The following SPOCK1 variants were observed in gnomAD, a reference collection of about 807,000 sequenced individuals.
The protein encoded by SPOCK1 is testican-1.
A neutral mutation model predicts 55.3 loss-of-function variants in SPOCK1; 23 were observed. That is an observed-to-expected ratio of 0.42 (90% CI 0.30 to 0.59). SPOCK1 has a LOEUF of 0.59. Among genes scored for constraint, SPOCK1 ranks in the 20% least tolerant of loss-of-function variants. The probability of loss-of-function intolerance (pLI) is 0.22; values close to 1 mark genes in which losing one functional copy is unlikely to be tolerated. For synonymous variants in SPOCK1, 226 were observed against 221.0 expected (o/e 1.02, Z -0.20); for missense variants, 499 against 552.5 (o/e 0.90, Z 0.97).
chr5:137,044,256 A>G (rs1157341834), intron 6 of SPOCK1, among the ~76,000 whole-genome samples: 3 of 152,198 alleles, frequency 2.0e-5, no homozygotes, highest in African/African-American at 7.2e-5. Context: ...GTGTGTGCAA[A>G]GGCCTTCACA....
chr5:137,346,623 G>A (rs1750563431), intron 2 of SPOCK1, among the ~76,000 whole-genome samples: 1 of 152,186 alleles, frequency 6.6e-6, no homozygotes, highest in South Asian at 2.1e-4. Context: ...TAAACAGGAG[G>A]TACATTCAAA....
chr5:137,255,390 T>C (rs1270716709), intron 3 of SPOCK1, among the ~76,000 whole-genome samples: 1 of 152,240 alleles, frequency 6.6e-6, no homozygotes, highest in Non-Finnish European at 1.5e-5. Context: ...AGAAACTCAC[T>C]GCGCATGTGA....
intron 10 of SPOCK1, 25 bp from the exon 11 acceptor site, chr5:136,978,869 G>A: frequency 6.3e-7 from 1 of 1,589,702 alleles, no homozygotes; most frequent in Non-Finnish European, 8.6e-7. Context: ...AAAGCATTGA[G>A]GTTAGTTTCC....
intron 2 of SPOCK1, among the ~76,000 whole-genome samples, chr5:137,481,629 A>T (rs1455671640): frequency 2.6e-5 from 4 of 152,204 alleles, no homozygotes; most frequent in African/African-American, 7.2e-5. Flanking sequence ...GAAAGATTTT[A>T]AAAACTATAA....
At chr5:137,254,362 C>T (rs750261605) in intron 3 of SPOCK1, among the ~76,000 whole-genome samples, 11 of 152,076 alleles carry the variant, frequency 7.2e-5, no homozygotes, top group East Asian at 1.9e-4. Flanking sequence ...ACTGTGGTAA[C>T]GTGCCCAAAT....
intron 6 of SPOCK1, among the ~76,000 whole-genome samples, chr5:137,059,260 G>A (rs1248525924): frequency 6.8e-6 from 1 of 147,202 alleles, no homozygotes; most frequent in East Asian, 2.0e-4. Context: ...TGACAGACAG[G>A]CAAATACACA....
intron 6 of SPOCK1, among the ~76,000 whole-genome samples, chr5:137,026,049 A>G (rs1013156929): frequency 6.6e-6 from 1 of 152,254 alleles, no homozygotes; most frequent in Non-Finnish European, 1.5e-5. Flanking sequence ...AGGAAGGCAT[A>G]CAGAGAAACA....
chr5:136,978,893 G>A, intron 10 of SPOCK1, 49 bp from the exon 11 acceptor site: 4 of 1,538,152 alleles, frequency 2.6e-6, no homozygotes, highest in Non-Finnish European at 3.5e-6. Context: ...TATACCTCAT[G>A]ACCCACGTCA....
intron 2 of SPOCK1, among the ~76,000 whole-genome samples, chr5:137,430,786 C>T (rs1399925405): frequency 2.0e-5 from 3 of 152,190 alleles, no homozygotes; most frequent in Non-Finnish European, 2.9e-5. Context: ...TATACCGTAA[C>T]TGACTGTTGA....
chr5:136,982,827 G>A (rs1286992461), intron 9 of SPOCK1, among the ~76,000 whole-genome samples: 2 of 152,064 alleles, frequency 1.3e-5, no homozygotes, highest in African/African-American at 2.4e-5. Flanking sequence ...GTGAGTCTGG[G>A]GTTAGTAAGC....
intron 2 of SPOCK1, among the ~76,000 whole-genome samples, chr5:137,484,470 C>T (rs1754012419): frequency 6.6e-6 from 1 of 152,242 alleles, no homozygotes; most frequent in African/African-American, 2.4e-5. Flanking sequence ...ATCACCTTAC[C>T]TGTGCTGGTG....
At chr5:137,342,157 C>T (rs1482732684) in intron 2 of SPOCK1, among the ~76,000 whole-genome samples, 3 of 152,296 alleles carry the variant, frequency 2.0e-5, no homozygotes, top group East Asian at 3.9e-4. Context: ...AAGACACCTC[C>T]GCGGAGGATA....
At chr5:137,232,834 T>C (rs1756092973) in intron 3 of SPOCK1, among the ~76,000 whole-genome samples, 1 of 152,252 alleles carries the variant, frequency 6.6e-6, no homozygotes, top group Non-Finnish European at 1.5e-5. Context: ...GTCTTTCTGT[T>C]CATTCAGGTC....
chr5:137,451,087 T>C (rs1753245894), intron 2 of SPOCK1, among the ~76,000 whole-genome samples: 1 of 152,082 alleles, frequency 6.6e-6, no homozygotes. Flanking sequence ...TGGCCCAGTC[T>C]AGGAACAGAC....
intron 6 of SPOCK1, among the ~76,000 whole-genome samples, chr5:137,027,634 G>A (rs1487748390): frequency 6.6e-6 from 1 of 152,184 alleles, no homozygotes; most frequent in East Asian, 1.9e-4. Flanking sequence ...GCTAGTAGCA[G>A]ATACAGACTA....
chr5:137,210,626 G>A (rs1755593095), intron 3 of SPOCK1, among the ~76,000 whole-genome samples: 1 of 152,168 alleles, frequency 6.6e-6, no homozygotes, highest in Non-Finnish European at 1.5e-5. Flanking sequence ...CATCTGGAGA[G>A]GTGAAGGTGA....
At chr5:137,485,752 T>A (rs1428690808) in intron 2 of SPOCK1, among the ~76,000 whole-genome samples, 7 of 151,640 alleles carry the variant, frequency 4.6e-5, no homozygotes, top group Non-Finnish European at 1.0e-4. Context: ...ACAACAAATT[T>A]AATGTTGAAA....
rs796667572 is a variant in SPOCK1, at chr5:137,356,873, A to AGAGAGAGAGAGAGAGAGAGAGAGT, written c.187-89819_187-89818insACTCTCTCTCTCTCTCTCTCTCTC. ...GAGAGAGAGAGAGAGAGAGAGAGAG[A>AGAGAGAGAGAGAGAGAGAGAGAGT]GAGTATGCAGACCAACCAGGGGGCC... is the stretch of plus-strand genomic sequence containing the variant. On this transcript the variant is annotated intron_variant, in intron 2 of 10. Transcript: ENST00000394945. Among the ~76,000 whole-genome samples, 92 of 69,808 alleles carry AGAGAGAGAGAGAGAGAGAGAGAGT rather than the reference A, an allele frequency of 1.3e-3. 13 individuals carry two copies. Among genetic ancestry groups the AGAGAGAGAGAGAGAGAGAGAGAGT allele is most frequent in the African/African-American group, 3.4e-3 (46 of 13,692 alleles). 45.8% of individuals were successfully genotyped at this position (69,808 alleles called of 152,430 possible). A position where few individuals can be genotyped will look rare whatever the true frequency, so the allele number is the denominator to read the frequency against.
intron 6 of SPOCK1, among the ~76,000 whole-genome samples, chr5:137,005,919 G>T (rs1751238212): frequency 6.6e-6 from 1 of 152,172 alleles, no homozygotes. Context: ...CTAGGAAAAA[G>T]GGACCGAGAA....
Sources: allele counts gnomAD v4.1 joint callset (sites outside exome capture counted in the v4.1 genomes callset), GRCh38; gene constraint gnomAD v4.1.1; transcripts MANE v1.5; gene names NCBI Gene and HGNC (gene_info 2026-07-23, HGNC 2026-07-21).